Variants in SOX1 observed in about 807,000 individuals in gnomAD.
The protein encoded by SOX1 is transcription factor SOX-1.
In SOX1, 1 loss-of-function variant was observed where a neutral mutation model predicts 0.9. The observed-to-expected ratio is 1.07, with a 90% CI of 0.38 to 5.06. SOX1 has a LOEUF of 5.06. Ranked by LOEUF, SOX1 falls within the 30% of genes most tolerant of loss-of-function variation. The probability of loss-of-function intolerance (pLI) is 0.16; values close to 1 mark genes in which losing one functional copy is unlikely to be tolerated. For synonymous variants in SOX1, 397 were observed against 265.5 expected, an observed-to-expected ratio of 1.50 and a Z score of -4.81; for missense variants, 564 against 534.4, an observed-to-expected ratio of 1.06 and a Z score of -0.55.
rs1226237170 is a variant in SOX1, at chr13:112,069,456, T to TGG, written c.*624_*625dup. On this transcript the variant is annotated 3_prime_UTR_variant, in exon 1 of 1. Transcript: ENST00000330949. ...ATCTGAGCATTTCCATTTTTTTTTTTGGGTTTTGTATTATTTCTTGTAAAT... is the reference window on the plus strand; with the variant it reads ...ATCTGAGCATTTCCATTTTTTTTTTTGGGGGTTTTGTATTATTTCTTGTAAAT... 1 of 166,016 alleles carries TGG rather than the reference T, an allele frequency of 6.0e-6. No individual in the cohort carries two copies. Among genetic ancestry groups the TGG allele is most frequent in the Non-Finnish European group, 1.5e-5 (1 of 67,918 alleles). 10.3% of individuals were successfully genotyped at this position (166,016 alleles called of 1,614,324 possible).
At position 112,068,312 on chromosome 13, in the gene SOX1, C is replaced by T; in HGVS notation, c.654C>T (p.Gly218=). The T allele has an allele frequency of 9.5e-7, 1 of 1,057,192 alleles. No individual in the cohort carries two copies. Among genetic ancestry groups the T allele is most frequent in the East Asian group, 6.3e-5 (1 of 15,886 alleles). The allele number at this position is 1,057,192 out of a possible 1,614,324, so 65.5% of individuals were successfully genotyped here. Residue 218 remains glycine (G), a synonymous_variant, in exon 1 of 1, where the codon GGC becomes GGT. Transcript: ENST00000330949. The surrounding 1 kb of genome is among the most constrained non-coding windows in gnomAD (Gnocchi z 6.9). ...AGCTGGCCTACGGGCAGCACCCGGG[C>T]GCGGGCGGCGCGCACCCGCACGCGC... ...EAQLAYGQHP[G]AGGAHPHAHP... is the part of the protein sequence containing the mutation.
At position 112,068,183 on chromosome 13, in the gene SOX1, C is replaced by T. The variant is rs1237376571; in HGVS notation, c.525C>T (p.Gly175=). ...AVGQRLESPG[G]AAGGGYAHVN... is the part of the protein sequence containing the mutation. The stretch of plus-strand genomic sequence containing the variant: ...GCCAGCGCCTGGAGAGCCCAGGCGG[C>T]GCGGCGGGCGGCGGCTACGCGCACG... Residue 175 remains glycine, a synonymous_variant, in exon 1 of 1, where the codon GGC becomes GGT. Transcript: ENST00000330949. The surrounding 1 kb of genome is among the most constrained non-coding windows in gnomAD (Gnocchi z 6.9). 1.2e-6 allele frequency: 1 copy of T among 828,648 alleles called. No individual in the cohort carries two copies. Among genetic ancestry groups the T allele is most frequent in the Non-Finnish European group, 1.5e-6 (1 of 685,456 alleles). 51.3% of individuals were successfully genotyped at this position (828,648 alleles called of 1,614,324 possible). A position where few individuals can be genotyped will look rare whatever the true frequency, so the allele number is the denominator to read the frequency against.
In SOX1 at chr13:112,070,399, C is replaced by T. The variant is rs1354612394; in HGVS notation, c.*1565C>T. Reference sequence around the variant, plus strand: ...ATTATTTTCTAGGTGTTTATTGGTACATTGCAGTTTTTTTTTTGAAATTTA... The same window carrying T: ...ATTATTTTCTAGGTGTTTATTGGTATATTGCAGTTTTTTTTTTGAAATTTA... On this transcript the variant is annotated 3_prime_UTR_variant, in exon 1 of 1. Coordinates refer to ENST00000330949, the MANE Select transcript of SOX1 (RefSeq NM_005986.3). The T allele has an allele frequency of 6.0e-6, 1 of 165,400 alleles. No individual in the cohort carries two copies. Among genetic ancestry groups the T allele is most frequent in the Non-Finnish European group, 1.5e-5 (1 of 67,816 alleles). The allele number at this position is 165,400 out of a possible 1,614,324, so 10.2% of individuals were successfully genotyped here.
Position 112,070,346 on chromosome 13 carries a change from T to G in SOX1, c.*1512T>G, listed in dbSNP as rs1162483300. 1.2e-5 allele frequency: 2 copies of G among 167,092 alleles called. No homozygotes were observed. Among genetic ancestry groups the G allele is most frequent in the East Asian group, 1.9e-4 (1 of 5,208 alleles). 10.4% of individuals were successfully genotyped at this position (167,092 alleles called of 1,614,324 possible). ...ATTATTCCTGACGAGATCTTGAGGTTGTTTGATGCTTTAAATTTTTTAATT... is the reference window on the plus strand; with the variant it reads ...ATTATTCCTGACGAGATCTTGAGGTGGTTTGATGCTTTAAATTTTTTAATT... On this transcript the variant is annotated 3_prime_UTR_variant, in exon 1 of 1. Transcript: ENST00000330949.
At position 112,068,264 on chromosome 13, in the gene SOX1, C is replaced by T. The variant is rs1320037258; in HGVS notation, c.606C>T (p.Ala202=). ...GCTCGGTGGCGGCGGCGGCGGCGGCCGCGGCCATGATGCAGGAGGCGCAGC... is the reference window on the plus strand; with the variant it reads ...GCTCGGTGGCGGCGGCGGCGGCGGCTGCGGCCATGATGCAGGAGGCGCAGC... ...YPGSVAAAAA[A]AAMMQEAQLA... Residue 202 remains alanine, a synonymous_variant, in exon 1 of 1, where the codon GCC becomes GCT. Transcript: ENST00000330949. The surrounding 1 kb of genome is among the most constrained non-coding windows in gnomAD (Gnocchi z 6.9). 2.5e-6 allele frequency: 2 copies of T among 791,976 alleles called. No homozygotes were observed. The highest frequency in any genetic ancestry group is 1.9e-5 in the African/African-American group (1 of 51,332). The allele number at this position is 791,976 out of a possible 1,614,324, so 49.1% of individuals were successfully genotyped here.
Position 112,067,754 on chromosome 13 carries a change from GGGCGGAGGCGGGGGCGGCGGC to G in SOX1, c.102_122del (p.Gly37_Gly43del), listed in dbSNP as rs1880759544. ...GCCCCGCCGGGGCGGGCGGCGGCGG[GGGCGGAGGCGGGGGCGGCGGC>G]GGCGGCGGGGGCGCCAAGGCCAACC... On this transcript the variant is annotated inframe_deletion, in exon 1 of 1. Transcript: ENST00000330949. The surrounding 1 kb of genome is among the most constrained non-coding windows in gnomAD (Gnocchi z 5.1). 3.2e-6 allele frequency: 4 copies of G among 1,237,658 alleles called. No homozygotes were observed. The highest frequency in any genetic ancestry group is 1.6e-5 in the African/African-American group (1 of 62,836). The allele number at this position is 1,237,658 out of a possible 1,614,324, so 76.7% of individuals were successfully genotyped here.
chr13:112,068,758 G>A lies in SOX1; in HGVS notation c.1100G>A (p.Arg367Gln). The change falls in exon 1 of 1, where the codon CGG becomes CAG. Residue 367 changes from arginine to glutamine, a missense_variant. Transcript: ENST00000330949. This position sits in a 1 kb window ranked among gnomAD's most constrained non-coding sequence, Gnocchi z 6.9. ...AAAAAAAAQSRLHSLPQHYQG... is the reference protein window; with the variant it reads ...AAAAAAAAQSQLHSLPQHYQG... ...GCAGCAGCGGCCGCGGCGCAGAGCC[G>A]GCTGCACTCGCTGCCGCAGCACTAC... The A allele has an allele frequency of 8.3e-7, 1 of 1,207,150 alleles. No individual in the cohort carries two copies. Among genetic ancestry groups the A allele is most frequent in the Non-Finnish European group, 1.0e-6 (1 of 973,270 alleles). The allele number at this position is 1,207,150 out of a possible 1,614,324, so 74.8% of individuals were successfully genotyped here. A position where few individuals can be genotyped will look rare whatever the true frequency, so the allele number is the denominator to read the frequency against.
rs1456683907 is a variant in SOX1 at position 112,070,662 on chromosome 13, G to T, written c.*1828G>T. On this transcript the variant is annotated 3_prime_UTR_variant, in exon 1 of 1. Transcript: ENST00000330949. ...TGGAGTATGGACTGTCCGTCCAAAA[G>T]TGAGCCTATGCTATAAGTTTAATGA... 6.6e-6 allele frequency among the ~76,000 whole-genome samples: 1 copy of T among 152,188 alleles called. No homozygotes were observed. The highest frequency in any genetic ancestry group is 1.5e-5 in the Non-Finnish European group (1 of 68,030).
In SOX1 at chr13:112,071,109, TAAAG is replaced by T. The variant is rs1319905367; in HGVS notation, c.*2276_*2279del. Among the ~76,000 whole-genome samples the T allele has an allele frequency of 6.6e-6, 1 of 152,208 alleles. No individual in the cohort carries two copies. Among genetic ancestry groups the T allele is most frequent in the Non-Finnish European group, 1.5e-5 (1 of 68,038 alleles). The stretch of plus-strand genomic sequence containing the variant: ...GGGTTTTCTCTGAAATATACAAACT[TAAAG>T]GACTCTCTCTGAGGTTCTTTGACTG... On this transcript the variant is annotated 3_prime_UTR_variant, in exon 1 of 1. Transcript: ENST00000330949.
At position 112,069,960 on chromosome 13, in the gene SOX1, A is replaced by C. The variant is rs1400336707; in HGVS notation, c.*1126A>C. On this transcript the variant is annotated 3_prime_UTR_variant, in exon 1 of 1. Transcript: ENST00000330949. ...TTCCACCTGGCTGGGGGTCTGCGCC[A>C]CAGTTTGGTCCAGAGGAGGGAGGAG... 1.2e-5 allele frequency: 2 copies of C among 167,154 alleles called. No homozygotes were observed. Among genetic ancestry groups the C allele is most frequent in the African/African-American group, 2.4e-5 (1 of 41,444 alleles). The allele number at this position is 167,154 out of a possible 1,614,324, so 10.4% of individuals were successfully genotyped here.
Position 112,067,613 on chromosome 13 carries a change from T to C in SOX1, c.-46T>C, listed in dbSNP as rs1358517940. ...TCCCTCCCACCCCGGCCGTCTATGC[T>C]CCAGGCCCTCTCCTCGCGGTGCCGG... is the stretch of plus-strand genomic sequence containing the variant. On this transcript the variant is annotated 5_prime_UTR_variant, in exon 1 of 1. Coordinates refer to ENST00000330949, the MANE Select transcript of SOX1 (RefSeq NM_005986.3). The surrounding 1 kb of genome is among the most constrained non-coding windows in gnomAD (Gnocchi z 5.1). 4.3e-6 allele frequency: 5 copies of C among 1,165,710 alleles called. No homozygotes were observed. The highest frequency in any genetic ancestry group is 7.3e-5 in the East Asian group (2 of 27,236). 72.2% of individuals were successfully genotyped at this position (1,165,710 alleles called of 1,614,324 possible).
Position 112,068,910 on chromosome 13 carries a change from G to A in SOX1, c.*76G>A, listed in dbSNP as rs1162447310. 7.2e-6 allele frequency: 8 copies of A among 1,112,046 alleles called. No homozygotes were observed. The highest frequency in any genetic ancestry group is 3.7e-4 in the Middle Eastern group (1 of 2,704). 68.9% of individuals were successfully genotyped at this position (1,112,046 alleles called of 1,614,324 possible). On this transcript the variant is annotated 3_prime_UTR_variant, in exon 1 of 1. Transcript: ENST00000330949. This position sits in a 1 kb window ranked among gnomAD's most constrained non-coding sequence, Gnocchi z 6.9. Reference sequence around the variant, plus strand: ...CCGCGCCCGGCTCCCGCCCCGCCCCGGCGCGGCGTGGCTTTTGTACAGACG... The same window carrying A: ...CCGCGCCCGGCTCCCGCCCCGCCCCAGCGCGGCGTGGCTTTTGTACAGACG...
rs1880791314 is a variant in SOX1, at chr13:112,068,455, T to G, written c.797T>G (p.Met266Arg). The G allele has an allele frequency of 1.7e-6, 2 of 1,201,872 alleles. No individual in the cohort carries two copies. Among genetic ancestry groups the G allele is most frequent in the Non-Finnish European group, 2.1e-6 (2 of 948,620 alleles). The allele number at this position is 1,201,872 out of a possible 1,614,324, so 74.5% of individuals were successfully genotyped here. Residue 266 changes from methionine (M) to arginine (R), a missense_variant, in exon 1 of 1, where the codon ATG (methionine) becomes AGG (arginine). Transcript: ENST00000330949. The surrounding 1 kb of genome is among the most constrained non-coding windows in gnomAD (Gnocchi z 6.9). ...YSPISNSQGY[M>R]SASPSGYGGL... is the part of the protein sequence containing the mutation. ...CCCATCTCCAACTCGCAGGGCTACATGAGCGCGTCGCCCTCGGGCTACGGC... is the reference window on the plus strand; with the variant it reads ...CCCATCTCCAACTCGCAGGGCTACAGGAGCGCGTCGCCCTCGGGCTACGGC...
In SOX1 at chr13:112,069,495, T is replaced by A. The variant is rs1880829738; in HGVS notation, c.*661T>A. 2 of 166,974 alleles carry A rather than the reference T, an allele frequency of 1.2e-5. No individual in the cohort carries two copies. The highest frequency in any genetic ancestry group is 2.1e-4 in the South Asian group (1 of 4,818). 10.3% of individuals were successfully genotyped at this position (166,974 alleles called of 1,614,324 possible). A position where few individuals can be genotyped will look rare whatever the true frequency, so the allele number is the denominator to read the frequency against. On this transcript the variant is annotated 3_prime_UTR_variant, in exon 1 of 1. Transcript: ENST00000330949. ...TTTCTTGTAAATGCATTGTGAAAAA[T>A]TTTATTTTCGGCGTTGCAATGCGGG...
chr13:112,070,910 C>G lies in SOX1; in HGVS notation c.*2076C>G, dbSNP rs933398570. Among the ~76,000 whole-genome samples, 3 of 148,462 alleles carry G rather than the reference C, an allele frequency of 2.0e-5. No homozygotes were observed. The highest frequency in any genetic ancestry group is 4.4e-5 in the Non-Finnish European group (3 of 67,576). On this transcript the variant is annotated 3_prime_UTR_variant, in exon 1 of 1. Transcript: ENST00000330949. Reference sequence around the variant, plus strand: ...TTTTATTTCTTTTAGCTATTTGATCCTTTCTGAAGCAGTTGTTTCTGGAAG... The same window carrying G: ...TTTTATTTCTTTTAGCTATTTGATCGTTTCTGAAGCAGTTGTTTCTGGAAG...
chr13:112,068,361 C>A lies in SOX1; in HGVS notation c.703C>A (p.His235Asn). The change falls in exon 1 of 1, where the codon CAC (histidine) becomes AAC (asparagine). Residue 235 changes from histidine to asparagine, a missense_variant. Transcript: ENST00000330949. This position sits in a 1 kb window ranked among gnomAD's most constrained non-coding sequence, Gnocchi z 6.9. ...HAHPAHPHPH[H>N]PHAHPHNPQP... ...GCACCCCGCGCACCCGCACCCGCAC[C>A]ACCCGCACGCGCACCCGCACAACCC... 1 of 1,266,100 alleles carries A rather than the reference C, an allele frequency of 7.9e-7. No homozygotes were observed. The highest frequency in any genetic ancestry group is 1.0e-6 in the Non-Finnish European group (1 of 985,220). 78.4% of individuals were successfully genotyped at this position (1,266,100 alleles called of 1,614,324 possible). A position where few individuals can be genotyped will look rare whatever the true frequency, so the allele number is the denominator to read the frequency against.
chr13:112,069,910 G>A lies in SOX1; in HGVS notation c.*1076G>A, dbSNP rs1185641569. ...CTGCGGACGGCTGGGGCTGCTGCGC[G>A]TTACCTTGCTGCAAGCGGGGCGCCT... On this transcript the variant is annotated 3_prime_UTR_variant, in exon 1 of 1. Coordinates refer to ENST00000330949, the MANE Select transcript of SOX1 (RefSeq NM_005986.3). 8 of 167,168 alleles carry A rather than the reference G, an allele frequency of 4.8e-5. No homozygotes were observed. The highest frequency in any genetic ancestry group is 1.0e-4 in the Non-Finnish European group (7 of 68,202). The allele number at this position is 167,168 out of a possible 1,614,324, so 10.4% of individuals were successfully genotyped here.
rs1880741755 is a variant in SOX1, at chr13:112,067,315, A to G, written c.-344A>G. Among the ~76,000 whole-genome samples, 1 of 151,998 alleles carries G rather than the reference A, an allele frequency of 6.6e-6. No individual in the cohort carries two copies. Among genetic ancestry groups the G allele is most frequent in the African/African-American group, 2.4e-5 (1 of 41,408 alleles). On this transcript the variant is annotated 5_prime_UTR_variant, in exon 1 of 1. Transcript: ENST00000330949. This position sits in a 1 kb window ranked among gnomAD's most constrained non-coding sequence, Gnocchi z 5.1. ...CCAGCGCACCGCTCCCGGCCCCAAA[A>G]GCGGAGCTGCAACTTGGCCACGACT...
Position 112,067,235 on chromosome 13 carries a change from AAGGAGACAGCGCGCAGCGGCGGCCGGCG to A in SOX1, c.-413_-386del, listed in dbSNP as rs1269910823. On this transcript the variant is annotated 5_prime_UTR_variant, in exon 1 of 1. Transcript: ENST00000330949. The surrounding 1 kb of genome is among the most constrained non-coding windows in gnomAD (Gnocchi z 5.1). ...GCCGCTGAGGACCGAGCGCAGGAGG[AAGGAGACAGCGCGCAGCGGCGGCCGGCG>A]AGGAGACAGCACACCCCGGGCCGGG... 2.6e-5 allele frequency among the ~76,000 whole-genome samples: 4 copies of A among 151,694 alleles called. No homozygotes were observed. The highest frequency in any genetic ancestry group is 9.7e-5 in the African/African-American group (4 of 41,268).
Sources: gnomAD v4.1 joint callset for allele counts (sites outside exome capture counted in the v4.1 genomes callset) on GRCh38, gnomAD v4.1.1 for gene constraint, Gnocchi (gnomAD v3.1) non-coding constraint, MANE v1.5 for transcripts, NCBI Gene and HGNC (gene_info 2026-07-23, HGNC 2026-07-21) for gene names.